Variants in USP47 observed in about 807,000 individuals in gnomAD.
USP47 encodes the protein ubiquitin carboxyl-terminal hydrolase 47.
Under a neutral mutation model 165.1 loss-of-function variants are expected in USP47, and 35 were observed. The ratio of observed to expected loss-of-function variants is 0.21; its 90% CI spans 0.16 to 0.28. The LOEUF (loss-of-function observed/expected upper bound fraction) is 0.28. Ranked by LOEUF, USP47 falls within the 10% of genes least tolerant of loss-of-function variation. The pLI, the probability that USP47 is intolerant of heterozygous loss-of-function variation, is 1.00. For missense variants in USP47, 1,277 were observed against 1,607.4 expected (o/e 0.79, Z 3.52); for synonymous variants, 531 against 544.5 (o/e 0.98, Z 0.35).
chr11:11,855,071 G>A (rs1482694225), intron 1 of USP47, among the ~76,000 whole-genome samples: 1 of 151,732 alleles, frequency 6.6e-6, no homozygotes, highest in African/African-American at 2.4e-5. Flanking sequence ...CTCCAGCCTG[G>A]GCGACAGAGC....
chr11:11,931,935 C>T (rs1448293119), intron 14 of USP47, among the ~76,000 whole-genome samples: 1 of 152,092 alleles, frequency 6.6e-6, no homozygotes, highest in South Asian at 2.1e-4. Flanking sequence ...ATTCTTTTAA[C>T]TAATTGTTTA....
Position 11,855,803 on chromosome 11 carries a change from T to G in USP47, c.39+13579T>G, listed in dbSNP as rs191017311. Among the ~76,000 whole-genome samples, 4 of 152,338 alleles carry G rather than the reference T, an allele frequency of 2.6e-5. No individual in the cohort carries two copies. The East Asian group carries it at 7.7e-4, about 29-fold the overall frequency. Reference sequence around the variant, plus strand: ...CCTGATTTTATAGAATTCATTCAGTTAAACATTGAGTTAGTAGCTGCCAAG... The same window carrying G: ...CCTGATTTTATAGAATTCATTCAGTGAAACATTGAGTTAGTAGCTGCCAAG... On this transcript the variant is annotated intron_variant, in intron 1 of 27. Coordinates refer to ENST00000527733, the MANE Select transcript of USP47 (RefSeq NM_001282659.2).
chr11:11,851,589 G>T (rs1408420696), intron 1 of USP47, among the ~76,000 whole-genome samples: 1 of 152,174 alleles, frequency 6.6e-6, no homozygotes, highest in Non-Finnish European at 1.5e-5. Context: ...ATGATCAGAA[G>T]AAATTAACCT....
chr11:11,936,333 G>A lies in USP47; in HGVS notation c.1900G>A (p.Asp634Asn). The A allele has an allele frequency of 6.2e-7, 1 of 1,602,972 alleles. No individual in the cohort carries two copies. Among genetic ancestry groups the A allele is most frequent in the East Asian group, 2.2e-5 (1 of 44,748 alleles). Residue 634 changes from aspartate to asparagine, a missense_variant, in exon 17 of 28, where the codon GAT becomes AAT. Around this residue, in one of 4 missense-constraint regions of USP47, gnomAD observed 909 missense variants for 1,068.1 expected, o/e 0.85. Transcript: ENST00000527733. ...GGATTTAGAAGAGGTAATACCCCTGGATTGCTGTCGCCTTGTTAAATATGA... is the reference window on the plus strand; with the variant it reads ...GGATTTAGAAGAGGTAATACCCCTGAATTGCTGTCGCCTTGTTAAATATGA... ...MMDLEEVIPL[D>N]CCRLVKYDEF...
intron 11 of USP47, among the ~76,000 whole-genome samples, chr11:11,924,392 A>C (rs1854086779): frequency 6.6e-6 from 1 of 152,088 alleles, no homozygotes; most frequent in Non-Finnish European, 1.5e-5. Flanking sequence ...GGATTTTTGC[A>C]TCTGTGTTCA....
At position 11,876,695 on chromosome 11, in the gene USP47, A is replaced by G. The variant is rs558155139; in HGVS notation, c.40-3482A>G. The stretch of plus-strand genomic sequence containing the variant: ...TCCACCAAGTGGCTGCTTCCTCTGA[A>G]TGTGGATTTCTAGGGCTTCCTCACA... On this transcript the variant is annotated intron_variant, in intron 1 of 27. Coordinates refer to ENST00000527733, the MANE Select transcript of USP47 (RefSeq NM_001282659.2). 3.7e-4 allele frequency among the ~76,000 whole-genome samples: 57 copies of G among 152,292 alleles called. No individual in the cohort carries two copies. In the South Asian group the frequency reaches 0.012, roughly 32 times the overall value.
intron 1 of USP47, among the ~76,000 whole-genome samples, chr11:11,848,735 G>A (rs910013318): frequency 6.7e-6 from 1 of 149,734 alleles, no homozygotes; most frequent in Non-Finnish European, 1.5e-5. Flanking sequence ...TCAGCCTCCT[G>A]AGTAGCTGAG....
intron 1 of USP47, among the ~76,000 whole-genome samples, chr11:11,865,456 A>G (rs1428953493): frequency 6.8e-6 from 1 of 148,040 alleles, no homozygotes; most frequent in African/African-American, 2.5e-5. Context: ...ATTAGTTTTC[A>G]TTTCGGTTTT....
intron 1 of USP47, among the ~76,000 whole-genome samples, chr11:11,864,267 G>A (rs1487764671): frequency 1.3e-5 from 2 of 151,960 alleles, no homozygotes; most frequent in Non-Finnish European, 2.9e-5. Context: ...GTATGTGTTT[G>A]TAATGTAGAC....
At chr11:11,904,781 GGATTTTAA>G (rs947946383) in intron 7 of USP47, among the ~76,000 whole-genome samples, 1 of 151,834 alleles carries the variant, frequency 6.6e-6, no homozygotes, top group African/African-American at 2.4e-5. Flanking sequence ...TGAGAGAGGT[GGATTTTAA>G]GATTTTTTTT....
At position 11,940,511 on chromosome 11, in the gene USP47, A is replaced by G; in HGVS notation, c.2276A>G (p.Lys759Arg). 6.2e-7 allele frequency: 1 copy of G among 1,612,012 alleles called. No homozygotes were observed. The highest frequency in any genetic ancestry group is 8.5e-7 in the Non-Finnish European group (1 of 1,178,576). The change falls in exon 19 of 28, where the codon AAA (lysine) becomes AGA (arginine). Residue 759 changes from lysine to arginine, a missense_variant. By Grantham distance (26) the Lys-to-Arg change is conservative (BLOSUM62 2). This residue lies in a region of USP47 where 909 missense variants were observed against 1,068.1 expected (regional missense o/e 0.85). Coordinates refer to ENST00000527733, the MANE Select transcript of USP47 (RefSeq NM_001282659.2). ...TTGCGTCTTCTCAGTGTCTCCAGTA[A>G]AACCCTGAAAGCTGAAGGATTTTTT... Reference protein sequence around the residue: ...NDLRLLSVSSKTLKAEGFFRS... With the variant: ...NDLRLLSVSSRTLKAEGFFRS...
At chr11:11,861,392 G>A (rs1341910190) in intron 1 of USP47, among the ~76,000 whole-genome samples, 2 of 152,134 alleles carry the variant, frequency 1.3e-5, no homozygotes, top group East Asian at 1.9e-4. Flanking sequence ...TACCACACCC[G>A]GCCCCATCCA....
At chr11:11,927,526 A>T (rs551442130) in intron 11 of USP47, among the ~76,000 whole-genome samples, 70 of 152,068 alleles carry the variant, frequency 4.6e-4, no homozygotes, top group Non-Finnish European at 8.1e-4. Flanking sequence ...TCACTCTTTG[A>T]CCCTTGCATT....
intron 4 of USP47, among the ~76,000 whole-genome samples, chr11:11,893,717 T>A (rs928088400): frequency 6.6e-6 from 1 of 152,084 alleles, no homozygotes; most frequent in African/African-American, 2.4e-5. Context: ...AACGCCTGGC[T>A]TTTAAATTTT....
At chr11:11,954,460 G>A (rs1344216208) in intron 25 of USP47, among the ~76,000 whole-genome samples, 2 of 151,854 alleles carry the variant, frequency 1.3e-5, no homozygotes, top group Non-Finnish European at 2.9e-5. Context: ...TAGTTGAGAC[G>A]GGGTTTCACC....
At chr11:11,855,315 A>G (rs1265280484) in intron 1 of USP47, among the ~76,000 whole-genome samples, 1 of 152,140 alleles carries the variant, frequency 6.6e-6, no homozygotes, top group East Asian at 1.9e-4. Flanking sequence ...TTCTGAGAGA[A>G]CTTGATGTGT....
chr11:11,908,481 C>G (rs1021975553), intron 8 of USP47, among the ~76,000 whole-genome samples: 24 of 151,870 alleles, frequency 1.6e-4, no homozygotes, highest in African/African-American at 5.8e-4. Flanking sequence ...TGTCCAATTT[C>G]TGGAGTTGTT....
At chr11:11,940,678 C>G (rs1426029356) in intron 19 of USP47, 130 bp downstream of exon 19, 5 of 988,994 alleles carry the variant, frequency 5.1e-6, no homozygotes, top group Non-Finnish European at 7.3e-6. Context: ...ATTCTCAACC[C>G]AGTAATTACC....
At chr11:11,894,195 T>G (rs927821574) in intron 4 of USP47, among the ~76,000 whole-genome samples, 6 of 152,142 alleles carry the variant, frequency 3.9e-5, no homozygotes, top group African/African-American at 1.4e-4. Context: ...AGTGGCTCAC[T>G]GTTATAATCC....
Sources: allele counts gnomAD v4.1 joint callset (sites outside exome capture counted in the v4.1 genomes callset), GRCh38; gene constraint gnomAD v4.1.1; regional missense constraint gnomAD v4.1.1; transcripts MANE v1.5; gene names NCBI Gene and HGNC (gene_info 2026-07-23, HGNC 2026-07-21).